ZNF729: variants seen among roughly 807,000 people sequenced by gnomAD.
ZNF729 encodes zinc finger protein 729.
Under a neutral mutation model 12.2 loss-of-function variants are expected in ZNF729, and 15 were observed. The observed-to-expected ratio is 1.23, with a 90% CI of 0.82 to 1.89. ZNF729 has a LOEUF of 1.89. Ranked by LOEUF, ZNF729 falls within the 40% of genes most tolerant of loss-of-function variation. The probability of loss-of-function intolerance (pLI) is 0.00; values close to 1 mark genes in which losing one functional copy is unlikely to be tolerated. For missense variants in ZNF729, 1,540 were observed against 1,456.7 expected (o/e 1.06, Z -0.93); for synonymous variants, 492 against 476.3 (o/e 1.03, Z -0.43).
intron 1 of ZNF729, among the ~76,000 whole-genome samples, chr19:22,298,298 A>G (rs1364980259): frequency 6.6e-6 from 1 of 151,592 alleles, no homozygotes; most frequent in Non-Finnish European, 1.5e-5. Flanking sequence ...CATATAAAGT[A>G]TATATACATA....
At chr19:22,292,600 G>A (rs892565207) in intron 1 of ZNF729, among the ~76,000 whole-genome samples, 4 of 151,894 alleles carry the variant, frequency 2.6e-5, no homozygotes, top group Non-Finnish European at 5.9e-5. Flanking sequence ...ACCAAGCCCA[G>A]CTAATTTTTC....
rs769050762 is a variant in ZNF729 at position 22,316,267 on chromosome 19, C to G, written c.2850C>G (p.Thr950=). The G allele has an allele frequency of 3.1e-6, 5 of 1,613,088 alleles. No individual in the cohort carries two copies. In the Admixed American group the frequency reaches 6.7e-5, roughly 22 times the overall value. Residue 950 remains threonine, a synonymous_variant, in exon 4 of 4, where the codon ACC becomes ACG. Transcript: ENST00000601693. The part of the protein sequence containing the change: ...ECGKAFNDSS[T]LMKHKIIHTG... ...GCAAAGCTTTTAATGATTCCTCAAC[C>G]CTTATGAAGCATAAGATAATTCATA...
Position 22,316,314 on chromosome 19 carries a change from G to A in ZNF729, c.2897G>A (p.Cys966Tyr), listed in dbSNP as rs1246585675. 6.2e-7 allele frequency: 1 copy of A among 1,613,650 alleles called. No individual in the cohort carries two copies. Among genetic ancestry groups the A allele is most frequent in the Admixed American group, 1.7e-5 (1 of 59,986 alleles). The change falls in exon 4 of 4, where the codon TGT (cysteine) becomes TAT (tyrosine). Residue 966 changes from cysteine to tyrosine, a missense_variant. By Grantham distance (194) the Cys-to-Tyr change is radical. Coordinates refer to ENST00000601693, the MANE Select transcript of ZNF729 (RefSeq NM_001242680.2). ...IIHTGKKPYKCAECGKAFKQS... is the reference protein window; with the variant it reads ...IIHTGKKPYKYAECGKAFKQS... ...CATACTGGGAAGAAACCATACAAAT[G>A]TGCAGAATGTGGCAAAGCTTTTAAG...
Position 22,315,854 on chromosome 19 carries a change from G to A in ZNF729, c.2437G>A (p.Val813Ile). The A allele has an allele frequency of 6.2e-7, 1 of 1,609,180 alleles. No individual in the cohort carries two copies. The change falls in exon 4 of 4, where the codon GTA becomes ATA. Residue 813 changes from valine to isoleucine, a missense_variant. Transcript: ENST00000601693. ...TTTTAAGTGGTCCTCAAAGCTTACT[G>A]TACATAAGGTAATTCATACTGGAGA... ...KAFKWSSKLT[V>I]HKVIHTGEKP...
At chr19:22,298,570 A>G (rs867697697) in intron 1 of ZNF729, among the ~76,000 whole-genome samples, 2 of 152,026 alleles carry the variant, frequency 1.3e-5, no homozygotes, top group African/African-American at 4.8e-5. Flanking sequence ...CTGGAGTGCA[A>G]TGGCATGGTC....
intron 3 of ZNF729, among the ~76,000 whole-genome samples, chr19:22,306,941 ATTTCT>A (rs1968385574): frequency 6.6e-6 from 1 of 151,170 alleles, no homozygotes. Flanking sequence ...TCATTTTAGC[ATTTCT>A]TTTTTTATAT....
At chr19:22,295,621 C>G (rs1325165850) in intron 1 of ZNF729, among the ~76,000 whole-genome samples, 13 of 152,064 alleles carry the variant, frequency 8.5e-5, no homozygotes, top group Non-Finnish European at 1.5e-4. Context: ...AGGATGGTCT[C>G]GATCTCCTGA....
chr19:22,302,110 C>CTG (rs1429301198), intron 1 of ZNF729, among the ~76,000 whole-genome samples: 2 of 152,300 alleles, frequency 1.3e-5, no homozygotes, highest in Non-Finnish European at 2.9e-5. Context: ...ATGAGTCATC[C>CTG]TGTGTTTGTT....
In ZNF729 at chr19:22,289,904, GA is replaced by G. The variant is rs1235349440; in HGVS notation, c.30+3352del. On this transcript the variant is annotated intron_variant, in intron 1 of 3. Transcript: ENST00000601693. ...ACTGTTTACTACATGATTTTTAATG[GA>G]AATAGTAAAATAATATTTATTGTCT... 2.0e-5 allele frequency among the ~76,000 whole-genome samples: 3 copies of G among 152,088 alleles called. No individual in the cohort carries two copies. The East Asian group carries it at 5.8e-4, about 29-fold the overall frequency.
rs1435723308 is a variant in ZNF729, at chr19:22,316,347, C to G, written c.2930C>G (p.Ser977Ter). Residue 977 changes from serine to a stop codon, truncating the protein, a stop_gained, in exon 4 of 4, where the codon TCA (serine) becomes TGA (stop). Transcript: ENST00000601693. LOFTEE classifies it low-confidence loss of function (END_TRUNC). ...TGTGGCAAAGCTTTTAAGCAATCCT[C>G]ACATCTTACTAGACATAAAGCAATT... ...AECGKAFKQS[S>*]HLTRHKAIHT... 1.2e-6 allele frequency: 2 copies of G among 1,613,726 alleles called. No homozygotes were observed. The highest frequency in any genetic ancestry group is 8.5e-7 in the Non-Finnish European group (1 of 1,179,758).
intron 1 of ZNF729, among the ~76,000 whole-genome samples, chr19:22,303,514 A>G (rs1247101407): frequency 6.6e-6 from 1 of 152,202 alleles, no homozygotes; most frequent in Non-Finnish European, 1.5e-5. Flanking sequence ...TTTATACTTT[A>G]TTATCCAGAA....
intron 1 of ZNF729, among the ~76,000 whole-genome samples, chr19:22,301,505 C>T (rs964060673): frequency 6.6e-6 from 1 of 152,258 alleles, no homozygotes; most frequent in Non-Finnish European, 1.5e-5. Flanking sequence ...CTGGAATCTG[C>T]ACATAAGATC....
chr19:22,315,465 C>T lies in ZNF729; in HGVS notation c.2048C>T (p.Pro683Leu), dbSNP rs751333662. 7 of 1,611,862 alleles carry T rather than the reference C, an allele frequency of 4.3e-6. No individual in the cohort carries two copies. Among genetic ancestry groups the T allele is most frequent in the Non-Finnish European group, 4.2e-6 (5 of 1,179,648 alleles). ...AAGATAATTCATACTGGAAAGAAACCGTACAAATGTGAAGAATGTGGCAAA... is the reference window on the plus strand; with the variant it reads ...AAGATAATTCATACTGGAAAGAAACTGTACAAATGTGAAGAATGTGGCAAA... ...RHKIIHTGKK[P>L]YKCEECGKAF... is the part of the protein sequence containing the mutation. Residue 683 changes from proline (P) to leucine (L), a missense_variant, in exon 4 of 4, where the codon CCG (proline) becomes CTG (leucine). Coordinates refer to ENST00000601693, the MANE Select transcript of ZNF729 (RefSeq NM_001242680.2).
At chr19:22,293,601 T>C (rs1033721186) in intron 1 of ZNF729, among the ~76,000 whole-genome samples, 1 of 149,504 alleles carries the variant, frequency 6.7e-6, no homozygotes, top group Non-Finnish European at 1.5e-5. Flanking sequence ...CAAGAGATTC[T>C]CCTGCCTCAG....
chr19:22,316,664 A>G lies in ZNF729; in HGVS notation c.3247A>G (p.Lys1083Glu), dbSNP rs1380815796. 6.2e-6 allele frequency: 10 copies of G among 1,612,950 alleles called. No homozygotes were observed. Among genetic ancestry groups the G allele is most frequent in the Non-Finnish European group, 8.5e-6 (10 of 1,179,828 alleles). ...ACCCTGCAAATGTGAAGAATGTGAC[A>G]AAGCTTTTAAGCATTTCTCAGCCCT... is the stretch of plus-strand genomic sequence containing the variant. Reference protein sequence around the residue: ...EKPCKCEECDKAFKHFSALRK... With the variant: ...EKPCKCEECDEAFKHFSALRK... Residue 1083 changes from lysine to glutamate, a missense_variant, in exon 4 of 4, where the codon AAA (lysine) becomes GAA (glutamate). By Grantham distance (56) the Lys-to-Glu change is moderately conservative (BLOSUM62 1). Coordinates refer to ENST00000601693, the MANE Select transcript of ZNF729 (RefSeq NM_001242680.2).
chr19:22,292,108 CGGG>C (rs1177612757), intron 1 of ZNF729, among the ~76,000 whole-genome samples: 1 of 152,010 alleles, frequency 6.6e-6, no homozygotes, highest in Non-Finnish European at 1.5e-5. Context: ...GAAATTGTGT[CGGG>C]GGGTTGGTGT....
At chr19:22,309,754 C>T (rs112147518) in intron 3 of ZNF729, among the ~76,000 whole-genome samples, 1 of 151,342 alleles carries the variant, frequency 6.6e-6, no homozygotes, top group East Asian at 1.9e-4. Context: ...AATGATGATG[C>T]TGTTTTGATG....
At chr19:22,290,740 GATTT>G (rs796105872) in intron 1 of ZNF729, among the ~76,000 whole-genome samples, 4 of 151,842 alleles carry the variant, frequency 2.6e-5, no homozygotes, top group African/African-American at 7.3e-5. Context: ...AAATTCAGCT[GATTT>G]ATTTATTTTT....
chr19:22,294,147 A>G (rs975771535), intron 1 of ZNF729, among the ~76,000 whole-genome samples: 7 of 152,214 alleles, frequency 4.6e-5, no homozygotes, highest in Non-Finnish European at 7.3e-5. Context: ...ATTTTTGTAT[A>G]TGATGTAAGG....
Sources: gnomAD v4.1 joint callset for allele counts (sites outside exome capture counted in the v4.1 genomes callset) on GRCh38, gnomAD v4.1.1 for gene constraint, MANE v1.5 for transcripts, NCBI Gene and HGNC (gene_info 2026-07-23, HGNC 2026-07-21) for gene names.